GALNT1: variants seen among roughly 807,000 people sequenced by gnomAD.
The protein encoded by GALNT1 is polypeptide N-acetylgalactosaminyltransferase 1.
A neutral mutation model predicts 65.7 loss-of-function variants in GALNT1; 17 were observed. That is an observed-to-expected ratio of 0.26 (90% CI 0.18 to 0.39). The LOEUF (loss-of-function observed/expected upper bound fraction) is 0.39. Ranked by LOEUF, GALNT1 falls within the 10% of genes least tolerant of loss-of-function variation. The pLI is 1.00. For synonymous variants in GALNT1, 210 were observed against 219.7 expected (o/e 0.96, Z 0.39); for missense variants, 460 against 672.8 (o/e 0.68, Z 3.50).
intron 2 of GALNT1, among the ~76,000 whole-genome samples, chr18:35,655,511 T>G (rs1297772126): frequency 1.3e-5 from 2 of 151,642 alleles, no homozygotes; most frequent in Non-Finnish European, 2.9e-5. Flanking sequence ...TTTTTTTTTT[T>G]TTTGTTTTTA....
intron 1 of GALNT1, among the ~76,000 whole-genome samples, chr18:35,629,845 T>A (rs955085341): frequency 2.0e-5 from 3 of 152,002 alleles, no homozygotes; most frequent in Non-Finnish European, 2.9e-5. Flanking sequence ...GGGCTCAAAA[T>A]ACAGGGATGG....
intron 1 of GALNT1, among the ~76,000 whole-genome samples, chr18:35,597,811 CT>C (rs1351330252): frequency 6.6e-6 from 1 of 152,140 alleles, no homozygotes; most frequent in Non-Finnish European, 1.5e-5. Flanking sequence ...TAAGTCACAA[CT>C]TAAGTTCATC....
intron 1 of GALNT1, among the ~76,000 whole-genome samples, chr18:35,633,847 G>T (rs1055961005): frequency 6.6e-6 from 1 of 152,108 alleles, no homozygotes; most frequent in Non-Finnish European, 1.5e-5. Flanking sequence ...GATTAGGGAG[G>T]TCAATCTGAA....
intron 1 of GALNT1, chr18:35,591,910 G>A (rs1167499289): frequency 1.3e-5 from 2 of 154,352 alleles, no homozygotes; most frequent in Admixed American, 1.3e-4. Context: ...TGTAAGGGGT[G>A]TCACCATTAA....
chr18:35,677,550 T>C, intron 3 of GALNT1, 41 bp from the exon 4 acceptor site: 1 of 1,551,480 alleles, frequency 6.4e-7, no homozygotes, highest in Non-Finnish European at 8.8e-7. Context: ...TTATGCAATC[T>C]TAACAGTCAC....
chr18:35,640,656 A>G (rs899923359), intron 1 of GALNT1, among the ~76,000 whole-genome samples: 1 of 152,228 alleles, frequency 6.6e-6, no homozygotes, highest in Non-Finnish European at 1.5e-5. Context: ...AGAAGTTGTG[A>G]TAGGTGAGAA....
At chr18:35,664,660 C>G (rs182742973) in intron 3 of GALNT1, 3 of 152,230 alleles carry the variant, frequency 2.0e-5, no homozygotes, top group African/African-American at 7.2e-5. Flanking sequence ...CTCCTATCAG[C>G]AATATATTAG....
chr18:35,634,226 G>A (rs2047060265), intron 1 of GALNT1, among the ~76,000 whole-genome samples: 2 of 152,156 alleles, frequency 1.3e-5, no homozygotes, highest in South Asian at 4.1e-4. Flanking sequence ...CTCATTTAAA[G>A]GAACAAAGAG....
At chr18:35,606,605 C>G (rs1372273717) in intron 1 of GALNT1, among the ~76,000 whole-genome samples, 1 of 152,114 alleles carries the variant, frequency 6.6e-6, no homozygotes, top group Non-Finnish European at 1.5e-5. Flanking sequence ...AGACTTTTCC[C>G]TTCTCTAAGG....
At chr18:35,671,787 A>G (rs1306670266) in intron 3 of GALNT1, among the ~76,000 whole-genome samples, 5 of 152,186 alleles carry the variant, frequency 3.3e-5, no homozygotes, top group African/African-American at 1.2e-4. Context: ...GTAATTGTCA[A>G]GGTGTAGATT....
chr18:35,672,832 G>T (rs1411580573), intron 3 of GALNT1, among the ~76,000 whole-genome samples: 1 of 151,938 alleles, frequency 6.6e-6, no homozygotes, highest in Non-Finnish European at 1.5e-5. Context: ...TTTATTGAAT[G>T]CTTTATTATA....
At chr18:35,682,760 A>G (rs1252232164) in intron 4 of GALNT1, among the ~76,000 whole-genome samples, 3 of 151,700 alleles carry the variant, frequency 2.0e-5, no homozygotes, top group African/African-American at 7.3e-5. Context: ...CCTTTTGCCC[A>G]CTTTTTCTCT....
chr18:35,654,670 A>G lies in GALNT1; in HGVS notation c.8A>G (p.Lys3Arg). The change falls in exon 2 of 12, where the codon AAA (lysine) becomes AGA (arginine). Residue 3 changes from lysine (K) to arginine (R), a missense_variant. Lys to Arg is a conservative substitution (Grantham distance 26). Coordinates refer to ENST00000269195, the MANE Select transcript of GALNT1 (RefSeq NM_020474.4). ...CATTTGACTTAAAGTGCCATGAGAA[A>G]ATTTGCATACTGCAAGGTGGTCCTA... MR[K>R]FAYCKVVLAT... 1 of 1,420,044 alleles carries G rather than the reference A, an allele frequency of 7.0e-7. No individual in the cohort carries two copies. The highest frequency in any genetic ancestry group is 1.9e-5 in the South Asian group (1 of 52,498). 88.0% of individuals were successfully genotyped at this position (1,420,044 alleles called of 1,614,324 possible). A position where few individuals can be genotyped will look rare whatever the true frequency, so the allele number is the denominator to read the frequency against.
intron 9 of GALNT1, among the ~76,000 whole-genome samples, chr18:35,701,014 AAAT>A (rs1326219386): frequency 2.0e-5 from 3 of 152,186 alleles, no homozygotes; most frequent in East Asian, 1.9e-4. Flanking sequence ...AAGTATAAGG[AAAT>A]AATTATTTTT....
At chr18:35,628,332 G>A (rs1427809296) in intron 1 of GALNT1, among the ~76,000 whole-genome samples, 6 of 152,196 alleles carry the variant, frequency 3.9e-5, no homozygotes, top group African/African-American at 1.4e-4. Context: ...GGGGCAGACT[G>A]ACACTTCACA....
intron 1 of GALNT1, among the ~76,000 whole-genome samples, chr18:35,651,058 A>G (rs2047305394): frequency 6.6e-6 from 1 of 152,172 alleles, no homozygotes; most frequent in Admixed American, 6.5e-5. Flanking sequence ...TGTCCATGAA[A>G]TCTTCACAAT....
chr18:35,664,723 C>G (rs2047521875), intron 3 of GALNT1, among the ~76,000 whole-genome samples: 1 of 152,154 alleles, frequency 6.6e-6, no homozygotes, highest in South Asian at 2.1e-4. Flanking sequence ...ACTAGAGTAC[C>G]ATAGGCCCAG....
intron 6 of GALNT1, among the ~76,000 whole-genome samples, chr18:35,687,663 G>A (rs1450621394): frequency 6.6e-6 from 1 of 151,912 alleles, no homozygotes; most frequent in Non-Finnish European, 1.5e-5. Context: ...AGCTAGAATT[G>A]ACACAAAATA....
In GALNT1 at chr18:35,699,931, C is replaced by G. The variant is rs182344946; in HGVS notation, c.1300-2966C>G. Reference sequence around the variant, plus strand: ...ATAGTCTTAAAGCTATATGGAATTACAATTTTGAACATTTGATTCAGCATC... The same window carrying G: ...ATAGTCTTAAAGCTATATGGAATTAGAATTTTGAACATTTGATTCAGCATC... On this transcript the variant is annotated intron_variant, in intron 9 of 11. Transcript: ENST00000269195. 4.3e-3 allele frequency among the ~76,000 whole-genome samples: 650 copies of G among 152,222 alleles called. 2 individuals are homozygous for G. Among genetic ancestry groups the G allele is most frequent in the Admixed American group, 7.5e-3 (114 of 15,290 alleles).
Sources: gnomAD v4.1 joint callset for allele counts (sites outside exome capture counted in the v4.1 genomes callset) on GRCh38, gnomAD v4.1.1 for gene constraint, MANE v1.5 for transcripts, NCBI Gene and HGNC (gene_info 2026-07-23, HGNC 2026-07-21) for gene names.